The following MTHFD1 variants were observed in gnomAD, a reference collection of about 807,000 sequenced individuals.
MTHFD1 encodes the protein C-1-tetrahydrofolate synthase, cytoplasmic.
In MTHFD1, 44 loss-of-function variants were observed where a neutral mutation model predicts 110.3. The ratio of observed to expected loss-of-function variants is 0.40; its 90% CI spans 0.31 to 0.51. MTHFD1 has a LOEUF of 0.51. MTHFD1 is among the 20% of genes least tolerant of loss of function. The probability of loss-of-function intolerance (pLI) is 0.60; values close to 1 mark genes in which losing one functional copy is unlikely to be tolerated. For synonymous variants in MTHFD1, 402 were observed against 428.8 expected (o/e 0.94, Z 0.77); for missense variants, 909 against 1,173.1 (o/e 0.77, Z 3.29).
At chr14:64,409,953 T>C (rs1464888933) in intron 2 of MTHFD1, among the ~76,000 whole-genome samples, 3 of 152,204 alleles carry the variant, frequency 2.0e-5, no homozygotes, top group African/African-American at 7.2e-5. Context: ...GTCTTTGATA[T>C]GAAGGGACCA....
intron 26 of MTHFD1, among the ~76,000 whole-genome samples, chr14:64,455,743 G>A (rs1037171271): frequency 5.3e-5 from 8 of 152,194 alleles, no homozygotes; most frequent in South Asian, 4.1e-4. Flanking sequence ...AGTTGAAAAC[G>A]TAGGACATTA....
At chr14:64,420,011 C>A in intron 8 of MTHFD1, 86 bp downstream of exon 8, 1 of 948,774 alleles carries the variant, frequency 1.1e-6, no homozygotes, top group Non-Finnish European at 1.7e-6. Flanking sequence ...AGAAGCTTGT[C>A]TCATTTTATG....
chr14:64,400,815 A>G lies in MTHFD1; in HGVS notation c.64A>G (p.Asn22Asp), dbSNP rs1219161558. 1 of 1,613,856 alleles carries G rather than the reference A, an allele frequency of 6.2e-7. No individual in the cohort carries two copies. Among genetic ancestry groups the G allele is most frequent in the Non-Finnish European group, 8.5e-7 (1 of 1,179,780 alleles). ...ISAQIRARLK[N>D]QVTQLKEQVP... ...TAGGCAAATAAGGGCGAGACTGAAA[A>G]ATCAAGTCACTCAGTTGAAGGAGCA... is the stretch of plus-strand genomic sequence containing the variant. The change falls in exon 2 of 28, where the codon AAT (asparagine) becomes GAT (aspartate). Residue 22 changes from asparagine to aspartate, a missense_variant. By Grantham distance (23) the Asn-to-Asp change is conservative. Coordinates refer to ENST00000652337, the MANE Select transcript of MTHFD1 (RefSeq NM_005956.4).
chr14:64,415,020 A>G (rs913922065), intron 4 of MTHFD1, among the ~76,000 whole-genome samples: 7 of 151,986 alleles, frequency 4.6e-5, no homozygotes, highest in Non-Finnish European at 8.8e-5. Context: ...GTTTTTGTAG[A>G]TATCACATTT....
At chr14:64,457,937 C>T (rs982988364) in intron 26 of MTHFD1, 28 of 547,746 alleles carry the variant, frequency 5.1e-5, no homozygotes, top group Middle Eastern at 5.0e-4. Context: ...CTTGCTCTGT[C>T]GCCCAGGCAA....
At chr14:64,400,703 CAAAT>C (rs1419907906) in intron 1 of MTHFD1, 86 bp from the exon 2 acceptor site, 13 of 888,396 alleles carry the variant, frequency 1.5e-5, no homozygotes, top group East Asian at 2.6e-5. Context: ...AACAAACAAA[CAAAT>C]AAAAGAGAAA....
intron 15 of MTHFD1, among the ~76,000 whole-genome samples, chr14:64,433,054 G>A (rs8003368): frequency 1.3e-4 from 20 of 151,176 alleles, no homozygotes; most frequent in African/African-American, 2.7e-4. Flanking sequence ...GAGCCACCAC[G>A]TCTGGCCACA....
chr14:64,452,020 G>C (rs770454075), intron 24 of MTHFD1, among the ~76,000 whole-genome samples: 1 of 152,128 alleles, frequency 6.6e-6, no homozygotes, highest in South Asian at 2.1e-4. Flanking sequence ...AACTTGGCTG[G>C]GCGCTGTGGT....
Position 64,449,426 on chromosome 14 carries a change from T to C in MTHFD1, c.2280-19T>C, listed in dbSNP as rs770679268. On this transcript the variant is annotated intron_variant, in intron 23 of 27. Transcript: ENST00000652337. The stretch of plus-strand genomic sequence containing the variant: ...TCCAGCCATTTTCCATGCTTTGATA[T>C]GAAATGCTTCCTTTATAGGACGGAT... 2 of 1,612,332 alleles carry C rather than the reference T, an allele frequency of 1.2e-6. No homozygotes were observed. Among genetic ancestry groups the C allele is most frequent in the Non-Finnish European group, 1.7e-6 (2 of 1,179,830 alleles).
Position 64,412,456 on chromosome 14 carries a change from A to C in MTHFD1, c.187-16A>C, listed in dbSNP as rs377207858. On this transcript the variant is annotated splice_polypyrimidine_tract_variant and intron_variant, in intron 3 of 27. Coordinates refer to ENST00000652337, the MANE Select transcript of MTHFD1 (RefSeq NM_005956.4). ...GTTGTCTTGCCATTTACCTGCTTTT[A>C]ATGTCTGTTTTGCAGATTGGGATCA... The C allele has an allele frequency of 3.1e-6, 5 of 1,604,584 alleles. No homozygotes were observed. Among genetic ancestry groups the C allele is most frequent in the Non-Finnish European group, 4.3e-6 (5 of 1,171,456 alleles).
At position 64,436,137 on chromosome 14, in the gene MTHFD1, C is replaced by T. The variant is rs1388147516; in HGVS notation, c.1597+466C>T. Reference sequence around the variant, plus strand: ...TGAGATGGAGTCTCGCTCTGTCGCCCAGGCTAGAGTGCAGTGGCACAGTAT... The same window carrying T: ...TGAGATGGAGTCTCGCTCTGTCGCCTAGGCTAGAGTGCAGTGGCACAGTAT... On this transcript the variant is annotated intron_variant, in intron 16 of 27. Coordinates refer to ENST00000652337, the MANE Select transcript of MTHFD1 (RefSeq NM_005956.4). 2.0e-5 allele frequency among the ~76,000 whole-genome samples: 3 copies of T among 152,068 alleles called. 1 individual carries two copies. In the South Asian group the frequency reaches 6.2e-4, roughly 32 times the overall value.
chr14:64,406,568 T>C (rs2140949834), intron 2 of MTHFD1, among the ~76,000 whole-genome samples: 1 of 148,202 alleles, frequency 6.7e-6, no homozygotes, highest in Non-Finnish European at 1.5e-5. Flanking sequence ...TCACAGTTCA[T>C]TGCAGCCTGG....
At chr14:64,389,832 C>T (rs1416462838) in intron 1 of MTHFD1, among the ~76,000 whole-genome samples, 1 of 152,080 alleles carries the variant, frequency 6.6e-6, no homozygotes, top group East Asian at 1.9e-4. Flanking sequence ...ACTTCCTTTT[C>T]CAGTGGCTTT....
At chr14:64,441,108 C>T (rs527405528) in intron 18 of MTHFD1, 15 of 398,448 alleles carry the variant, frequency 3.8e-5, no homozygotes, top group Admixed American at 2.0e-4. Context: ...AGGAGAATGG[C>T]GTGAACCTGG....
intron 1 of MTHFD1, among the ~76,000 whole-genome samples, chr14:64,391,228 G>A (rs2077801862): frequency 6.6e-6 from 1 of 151,960 alleles, no homozygotes; most frequent in African/African-American, 2.4e-5. Context: ...GCAATGGCAC[G>A]ATGTTGTCTC....
At chr14:64,404,886 G>T (rs1244412190) in intron 2 of MTHFD1, among the ~76,000 whole-genome samples, 1 of 151,982 alleles carries the variant, frequency 6.6e-6, no homozygotes, top group Admixed American at 6.6e-5. Flanking sequence ...CAGGAGAATC[G>T]CTTGAACCTG....
chr14:64,418,327 T>TGTA (rs774128643), intron 7 of MTHFD1, among the ~76,000 whole-genome samples: 142 of 151,606 alleles, frequency 9.4e-4, no homozygotes, highest in Non-Finnish European at 1.8e-3. Context: ...GGCACATGCC[T>TGTA]GTAGTCCCAG....
intron 26 of MTHFD1, chr14:64,458,008 A>G: frequency 1.6e-6 from 1 of 609,566 alleles, no homozygotes; most frequent in Admixed American, 2.7e-5. Context: ...CTCCTGCCTT[A>G]GCATCCCAAG....
chr14:64,406,319 A>G (rs2077935442), intron 2 of MTHFD1, among the ~76,000 whole-genome samples: 1 of 151,790 alleles, frequency 6.6e-6, no homozygotes, highest in South Asian at 2.1e-4. Context: ...GATTACGGAC[A>G]TGAGCCACTG....
Sources: gnomAD v4.1 joint callset for allele counts (sites outside exome capture counted in the v4.1 genomes callset) on GRCh38, gnomAD v4.1.1 for gene constraint, MANE v1.5 for transcripts, NCBI Gene and HGNC (gene_info 2026-07-23, HGNC 2026-07-21) for gene names.